The following SGCD variants were observed in gnomAD, a reference collection of about 807,000 sequenced individuals.
The protein encoded by SGCD is delta-sarcoglycan.
Under a neutral mutation model 36.6 loss-of-function variants are expected in SGCD, and 18 were observed. The observed-to-expected ratio is 0.49, with a 90% CI of 0.34 to 0.73. The LOEUF is 0.73. SGCD is among the 30% of genes least tolerant of loss of function. SGCD has a pLI of 0.01. For missense variants in SGCD, 387 were observed against 346.7 expected, an observed-to-expected ratio of 1.12 and a Z score of -0.92; for synonymous variants, 133 against 130.6, an observed-to-expected ratio of 1.02 and a Z score of -0.12.
intron 1 of SGCD, among the ~76,000 whole-genome samples, chr5:156,109,858 C>T (rs983965519): frequency 4.6e-5 from 7 of 152,142 alleles, no homozygotes; most frequent in African/African-American, 1.4e-4. Context: ...TTCAAAGGAA[C>T]TCCATAGGTA....
chr5:156,729,172 G>C (rs1414943740), intron 7 of SGCD, among the ~76,000 whole-genome samples: 1 of 152,158 alleles, frequency 6.6e-6, no homozygotes. Context: ...TCAAAAGATG[G>C]CATATGCTAT....
At chr5:156,253,301 C>A (rs1765630118) in intron 3 of SGCD, among the ~76,000 whole-genome samples, 2 of 152,092 alleles carry the variant, frequency 1.3e-5, no homozygotes, top group Non-Finnish European at 2.9e-5. Context: ...ATATCACGAG[C>A]CAACATGTGA....
At chr5:156,136,281 T>C (rs1335621070) in intron 3 of SGCD, among the ~76,000 whole-genome samples, 2 of 152,138 alleles carry the variant, frequency 1.3e-5, no homozygotes, top group African/African-American at 4.8e-5. Flanking sequence ...CCTGGCTAAT[T>C]TTTAATTTTT....
intron 3 of SGCD, among the ~76,000 whole-genome samples, chr5:156,391,519 A>T (rs768469570): frequency 6.6e-6 from 1 of 152,274 alleles, no homozygotes; most frequent in Non-Finnish European, 1.5e-5. Context: ...CTGAACACAT[A>T]CAGACTTTTT....
At chr5:156,009,084 GGT>G (rs1554111582) in intron 1 of SGCD, among the ~76,000 whole-genome samples, 1 of 152,048 alleles carries the variant, frequency 6.6e-6, no homozygotes, top group Non-Finnish European at 1.5e-5. Flanking sequence ...CGAAGGAGGG[GGT>G]GTCTCCAGTC....
chr5:156,567,914 T>C (rs1033077499), intron 4 of SGCD, among the ~76,000 whole-genome samples: 3 of 152,204 alleles, frequency 2.0e-5, no homozygotes, highest in Non-Finnish European at 4.4e-5. Flanking sequence ...TAACATGATA[T>C]TGAGAGTGTG....
intron 6 of SGCD, among the ~76,000 whole-genome samples, chr5:156,641,410 G>A (rs1763021684): frequency 6.6e-6 from 1 of 152,150 alleles, no homozygotes; most frequent in Non-Finnish European, 1.5e-5. Flanking sequence ...AAACTTTGGA[G>A]TAACCAGAAA....
At chr5:155,905,384 G>A (rs930697347) in intron 1 of SGCD, among the ~76,000 whole-genome samples, 1 of 152,036 alleles carries the variant, frequency 6.6e-6, no homozygotes, top group African/African-American at 2.4e-5. Context: ...ATTGAGTGAA[G>A]CTGTCAATCA....
At chr5:155,858,497 A>G in the SGCD span, among the ~76,000 whole-genome samples, 10 of 152,198 alleles carry the variant, frequency 6.6e-5, no homozygotes, top group African/African-American at 2.2e-4. Flanking sequence ...TGTCATATTC[A>G]CATCAAATTC....
chr5:155,828,265 G>A, the SGCD span, among the ~76,000 whole-genome samples: 1 of 152,108 alleles, frequency 6.6e-6, no homozygotes, highest in African/African-American at 2.4e-5. Context: ...GCCACAAAGG[G>A]TAGGTAATTA....
intron 7 of SGCD, among the ~76,000 whole-genome samples, chr5:156,686,114 TA>T (rs1278465532): frequency 6.6e-6 from 1 of 152,226 alleles, no homozygotes; most frequent in African/African-American, 2.4e-5. Context: ...GAACAATGTG[TA>T]AAACACTTTA....
the SGCD span, among the ~76,000 whole-genome samples, chr5:155,825,745 G>A: frequency 7.2e-6 from 1 of 138,728 alleles, no homozygotes; most frequent in Admixed American, 7.4e-5. Flanking sequence ...TTTTTTTGTT[G>A]TTGTTGTTGT....
intron 3 of SGCD, among the ~76,000 whole-genome samples, chr5:156,409,914 A>G (rs1173030587): frequency 1.3e-5 from 2 of 152,054 alleles, no homozygotes; most frequent in African/African-American, 2.4e-5. Context: ...TCTCCATCCA[A>G]TACCACAGAA....
the SGCD span, among the ~76,000 whole-genome samples, chr5:155,795,213 C>T: frequency 3.9e-5 from 6 of 151,914 alleles, no homozygotes; most frequent in Non-Finnish European, 7.4e-5. Flanking sequence ...CACAGAGATG[C>T]AGGAATAAAT....
At chr5:156,525,329 C>T (rs2656895) in intron 4 of SGCD, among the ~76,000 whole-genome samples, 66,797 of 151,846 alleles carry the variant, frequency 0.44, 15,040 homozygotes, top group Non-Finnish European at 0.47. Flanking sequence ...ATTAGTGGTG[C>T]TGAACACCTT....
intron 6 of SGCD, among the ~76,000 whole-genome samples, chr5:156,615,634 T>C (rs1342142984): frequency 6.6e-6 from 1 of 152,204 alleles, no homozygotes; most frequent in African/African-American, 2.4e-5. Context: ...ATATGTATTG[T>C]ATATGATATT....
chr5:156,004,875 G>A (rs1758727026), intron 1 of SGCD, among the ~76,000 whole-genome samples: 1 of 152,200 alleles, frequency 6.6e-6, no homozygotes. Context: ...GGTTCCAGGA[G>A]TGCACGGGGC....
chr5:156,564,146 T>G (rs1238554862), intron 4 of SGCD, among the ~76,000 whole-genome samples: 1 of 152,188 alleles, frequency 6.6e-6, no homozygotes, highest in Non-Finnish European at 1.5e-5. Flanking sequence ...CACCATAAAT[T>G]TCTTAAAAAT....
chr5:156,229,318 G>C (rs1315731286), intron 3 of SGCD, among the ~76,000 whole-genome samples: 1 of 19,074 alleles, frequency 5.2e-5, no homozygotes, highest in African/African-American at 1.6e-4. Flanking sequence ...TTCTTCCATT[G>C]GTTCTTCCCT....
Sources: allele counts gnomAD v4.1 joint callset (sites outside exome capture counted in the v4.1 genomes callset), GRCh38; gene constraint gnomAD v4.1.1; transcripts MANE v1.5; gene names NCBI Gene and HGNC (gene_info 2026-07-23, HGNC 2026-07-21).